MMP26: variants seen among roughly 807,000 people sequenced by gnomAD.
MMP26 encodes the protein matrix metallopeptidase 26.
In MMP26, 33 loss-of-function variants were observed where a neutral mutation model predicts 31.0. The observed-to-expected ratio is 1.06, with a 90% CI of 0.81 to 1.42. The LOEUF (loss-of-function observed/expected upper bound fraction) is 1.42, where lower values mean the gene tolerates loss of function less well. Among genes scored for constraint, MMP26 ranks in the 40% most tolerant of loss-of-function variants. The pLI is 0.00. For synonymous variants in MMP26, 122 were observed against 114.9 expected, an observed-to-expected ratio of 1.06 and a Z score of -0.40; for missense variants, 347 against 316.1, an observed-to-expected ratio of 1.10 and a Z score of -0.74.
At position 4,987,397 on chromosome 11, in the gene MMP26, G is replaced by GT. The variant is rs952918757; in HGVS notation, c.-144-665dup. ...AGGTCTTGGAGATTTTTTTTGTTTT[G>GT]TTTTTTGTGGTTTTTTTTTGTTTTT... is the stretch of plus-strand genomic sequence containing the variant. On this transcript the variant is annotated intron_variant, in intron 2 of 7. Transcript: ENST00000380390. Among the ~76,000 whole-genome samples, 11 of 149,116 alleles carry GT rather than the reference G, an allele frequency of 7.4e-5. No individual in the cohort carries two copies. The East Asian group carries it at 9.8e-4, about 13-fold the overall frequency.
chr11:4,814,214 ACCT>A (rs1360141845), intron 2 of MMP26, among the ~76,000 whole-genome samples: 3 of 151,972 alleles, frequency 2.0e-5, no homozygotes, highest in Non-Finnish European at 4.4e-5. Context: ...GTAAAACTAG[ACCT>A]CCTTTTGAGC....
intron 2 of MMP26, among the ~76,000 whole-genome samples, chr11:4,962,936 G>C (rs1275524452): frequency 6.6e-6 from 1 of 152,176 alleles, no homozygotes; most frequent in Non-Finnish European, 1.5e-5. Flanking sequence ...AATAGAAACA[G>C]AACACACTTA....
At chr11:4,977,931 A>C (rs1180252232) in intron 2 of MMP26, among the ~76,000 whole-genome samples, 1 of 151,880 alleles carries the variant, frequency 6.6e-6, no homozygotes, top group East Asian at 1.9e-4. Flanking sequence ...TCTCATCTTA[A>C]ATTGAGGTGT....
At chr11:4,730,644 C>T (rs1848162081) in intron 1 of MMP26, among the ~76,000 whole-genome samples, 1 of 152,186 alleles carries the variant, frequency 6.6e-6, no homozygotes, top group Admixed American at 6.5e-5. Flanking sequence ...CGTTGTCTCT[C>T]TGGATCTCTA....
At chr11:4,772,131 C>G (rs1442853686) in intron 2 of MMP26, among the ~76,000 whole-genome samples, 1 of 152,128 alleles carries the variant, frequency 6.6e-6, no homozygotes, top group East Asian at 1.9e-4. Flanking sequence ...AAAAAGAAAC[C>G]ACCCTCTCTC....
intron 2 of MMP26, among the ~76,000 whole-genome samples, chr11:4,911,515 A>G (rs1850991238): frequency 6.6e-6 from 1 of 152,116 alleles, no homozygotes; most frequent in African/African-American, 2.4e-5. Context: ...TCTTCAATTC[A>G]CCAATTAATG....
At chr11:4,837,237 T>C (rs549456048) in intron 2 of MMP26, among the ~76,000 whole-genome samples, 1 of 152,340 alleles carries the variant, frequency 6.6e-6, no homozygotes, top group South Asian at 2.1e-4. Flanking sequence ...AGACAAGGTC[T>C]TGTTCTGTTG....
intron 1 of MMP26, among the ~76,000 whole-genome samples, chr11:4,763,441 C>T (rs1848592871): frequency 2.0e-5 from 3 of 152,200 alleles, no homozygotes; most frequent in African/African-American, 7.2e-5. Context: ...AATTACTTTA[C>T]ACCTTTCATG....
At chr11:4,822,230 CA>C in intron 2 of MMP26, 1 of 1,581,612 alleles carries the variant, frequency 6.3e-7, no homozygotes, top group Non-Finnish European at 8.6e-7. Context: ...GGCCATTCAG[CA>C]CCTCCATTTG....
chr11:4,964,454 C>G (rs2133624389), intron 2 of MMP26, among the ~76,000 whole-genome samples: 1 of 152,202 alleles, frequency 6.6e-6, no homozygotes, highest in South Asian at 2.1e-4. Context: ...ACTGTCTATT[C>G]TGTTCCATTG....
chr11:4,882,665 C>T lies in MMP26; in HGVS notation c.-144-105403C>T, dbSNP rs752999231. On this transcript the variant is annotated intron_variant, in intron 2 of 7. Transcript: ENST00000380390. Reference sequence around the variant, plus strand: ...CTGTGCAGTCACTATTTTCTATGTGCCACTGATCAGCCTCTCTTTGGCACA... The same window carrying T: ...CTGTGCAGTCACTATTTTCTATGTGTCACTGATCAGCCTCTCTTTGGCACA... 12 of 1,613,828 alleles carry T rather than the reference C, an allele frequency of 7.4e-6. No individual in the cohort carries two copies. In the Admixed American group the frequency reaches 1.0e-4, roughly 13 times the overall value.
chr11:4,961,948 T>C (rs777466738), intron 2 of MMP26, among the ~76,000 whole-genome samples: 4 of 152,202 alleles, frequency 2.6e-5, no homozygotes, highest in Non-Finnish European at 5.9e-5. Context: ...TGGAAATACA[T>C]AGAACAGAAT....
chr11:4,953,005 TGG>T (rs1846389147), intron 2 of MMP26, among the ~76,000 whole-genome samples: 2 of 124,116 alleles, frequency 1.6e-5, no homozygotes, highest in African/African-American at 5.5e-5. Flanking sequence ...ATTCAACGAG[TGG>T]GTAAAATGAA....
intron 2 of MMP26, among the ~76,000 whole-genome samples, chr11:4,886,944 T>A (rs1379582425): frequency 6.6e-6 from 1 of 152,018 alleles, no homozygotes; most frequent in Non-Finnish European, 1.5e-5. Context: ...ATTATCTTTG[T>A]ACTTAATTCT....
chr11:4,971,849 A>G (rs953715983), intron 2 of MMP26, among the ~76,000 whole-genome samples: 3 of 152,164 alleles, frequency 2.0e-5, no homozygotes, highest in African/African-American at 7.2e-5. Flanking sequence ...AGGAAGCAAG[A>G]TAAAACGAAA....
At chr11:4,917,853 T>C (rs1194830688) in intron 2 of MMP26, among the ~76,000 whole-genome samples, 1 of 152,068 alleles carries the variant, frequency 6.6e-6, no homozygotes, top group Non-Finnish European at 1.5e-5. Context: ...ATAATTACTA[T>C]TGTAAAAAAT....
At chr11:4,858,332 G>A (rs573594974) in intron 2 of MMP26, among the ~76,000 whole-genome samples, 16 of 152,192 alleles carry the variant, frequency 1.1e-4, no homozygotes, top group African/African-American at 3.1e-4. Context: ...AAACCCCATC[G>A]TCTCAGCCCA....
intron 1 of MMP26, chr11:4,756,751 G>A (rs1047628254): frequency 6.6e-6 from 1 of 151,604 alleles, no homozygotes; most frequent in Non-Finnish European, 1.5e-5. Flanking sequence ...CATGACAAAG[G>A]TCTTTGGCCT....
intron 2 of MMP26, chr11:4,795,317 A>G (rs1849090799): frequency 6.6e-6 from 1 of 152,138 alleles, no homozygotes; most frequent in Admixed American, 6.6e-5. Context: ...GGGGCTTTAG[A>G]TCCCAATGGT....
Sources: gnomAD v4.1 joint callset for allele counts (sites outside exome capture counted in the v4.1 genomes callset) on GRCh38, gnomAD v4.1.1 for gene constraint, MANE v1.5 for transcripts, NCBI Gene and HGNC (gene_info 2026-07-23, HGNC 2026-07-21) for gene names.